GABBR2: variants seen among roughly 807,000 people sequenced by gnomAD.
The protein encoded by GABBR2 is G-protein coupled receptor 51.
In GABBR2, 23 loss-of-function variants were observed where a neutral mutation model predicts 105.6. The observed-to-expected ratio is 0.22, with a 90% CI of 0.16 to 0.31. GABBR2 has a LOEUF of 0.31. Among genes scored for constraint, GABBR2 ranks in the 10% least tolerant of loss-of-function variants. The probability of loss-of-function intolerance (pLI) is 1.00; values close to 1 mark genes in which losing one functional copy is unlikely to be tolerated. For missense variants in GABBR2, 734 were observed against 1,245.5 expected, an observed-to-expected ratio of 0.59 and a Z score of 6.18; for synonymous variants, 478 against 499.7, an observed-to-expected ratio of 0.96 and a Z score of 0.58.
intron 3 of GABBR2, among the ~76,000 whole-genome samples, chr9:98,526,318 A>T (rs562160101): frequency 1.3e-5 from 2 of 152,272 alleles, no homozygotes; most frequent in South Asian, 4.1e-4. Context: ...ACCCTGTTCC[A>T]GTCATCATAG....
chr9:98,623,767 C>A (rs929084759), intron 1 of GABBR2, among the ~76,000 whole-genome samples: 2 of 152,194 alleles, frequency 1.3e-5, no homozygotes, highest in Non-Finnish European at 2.9e-5. Context: ...TACTTTCAGA[C>A]CCACCTGGAT....
At chr9:98,578,626 C>T (rs948727165) in intron 1 of GABBR2, among the ~76,000 whole-genome samples, 28 of 152,068 alleles carry the variant, frequency 1.8e-4, no homozygotes, top group Middle Eastern at 3.2e-3. Context: ...CCAAAACAAC[C>T]GAAGGCAGGG....
intron 7 of GABBR2, among the ~76,000 whole-genome samples, chr9:98,413,630 A>T (rs763414059): frequency 1.3e-5 from 2 of 152,166 alleles, no homozygotes; most frequent in Non-Finnish European, 2.9e-5. Context: ...GCAGAATGGG[A>T]GGTGGGGTCT....
chr9:98,466,670 ATAT>A (rs1176614090), intron 6 of GABBR2, among the ~76,000 whole-genome samples: 2 of 152,220 alleles, frequency 1.3e-5, no homozygotes, highest in African/African-American at 2.4e-5. Flanking sequence ...TGTGAGAGAG[ATAT>A]TATTATCCCC....
chr9:98,343,715 G>A (rs1464848275), intron 13 of GABBR2, among the ~76,000 whole-genome samples: 2 of 152,000 alleles, frequency 1.3e-5, no homozygotes, highest in South Asian at 2.1e-4. Flanking sequence ...AAAATTAGCC[G>A]GGTATGGTGG....
intron 1 of GABBR2, among the ~76,000 whole-genome samples, chr9:98,685,796 G>C (rs337528): frequency 0.71 from 108,443 of 152,064 alleles, 39,708 homozygotes; most frequent in Middle Eastern, 0.85. Flanking sequence ...AATCTCAAGA[G>C]ATCCTCCTAC....
chr9:98,577,079 GGTGAATGT>G (rs1828923749), intron 2 of GABBR2, among the ~76,000 whole-genome samples: 1 of 142,784 alleles, frequency 7.0e-6, no homozygotes, highest in African/African-American at 2.5e-5. Context: ...TGGATGGATA[GGTGAATGT>G]GTGGATGGAT....
At chr9:98,582,556 C>A (rs955074949) in intron 1 of GABBR2, among the ~76,000 whole-genome samples, 25 of 152,222 alleles carry the variant, frequency 1.6e-4, no homozygotes, top group South Asian at 6.2e-4. Context: ...GTTTACATCA[C>A]CAAATTTGTG....
chr9:98,479,757 C>T (rs553651483), intron 5 of GABBR2, among the ~76,000 whole-genome samples: 2 of 152,164 alleles, frequency 1.3e-5, no homozygotes, highest in Non-Finnish European at 2.9e-5. Flanking sequence ...TGTAGACATG[C>T]AATTTGAGGT....
At chr9:98,341,962 C>T (rs1221290999) in intron 13 of GABBR2, among the ~76,000 whole-genome samples, 2 of 152,094 alleles carry the variant, frequency 1.3e-5, no homozygotes, top group Non-Finnish European at 2.9e-5. Context: ...ATAATTTAGT[C>T]AATAAATATT....
At chr9:98,503,871 C>T (rs906637999) in intron 3 of GABBR2, among the ~76,000 whole-genome samples, 12 of 152,132 alleles carry the variant, frequency 7.9e-5, no homozygotes, top group African/African-American at 2.7e-4. Flanking sequence ...GCCCTAACTG[C>T]CTCCTAAACC....
intron 17 of GABBR2, among the ~76,000 whole-genome samples, chr9:98,295,880 T>C (rs1830373252): frequency 6.6e-6 from 1 of 152,230 alleles, no homozygotes; most frequent in Non-Finnish European, 1.5e-5. Context: ...TATTGATTGG[T>C]GGACAAAAAT....
intron 14 of GABBR2, among the ~76,000 whole-genome samples, chr9:98,310,606 G>C (rs1248652204): frequency 6.6e-6 from 1 of 151,942 alleles, no homozygotes; most frequent in African/African-American, 2.4e-5. Flanking sequence ...GCAGTTTGGA[G>C]GTTACTAGGC....
At chr9:98,493,468 C>T (rs548545502) in intron 4 of GABBR2, among the ~76,000 whole-genome samples, 1 of 152,330 alleles carries the variant, frequency 6.6e-6, no homozygotes, top group Admixed American at 6.5e-5. Flanking sequence ...CCAGTATCCA[C>T]AACTGTTATC....
At chr9:98,403,334 T>C (rs1012251234) in intron 8 of GABBR2, among the ~76,000 whole-genome samples, 3 of 147,348 alleles carry the variant, frequency 2.0e-5, no homozygotes, top group African/African-American at 7.5e-5. Flanking sequence ...AACAGGAGCA[T>C]CTGGCCTTTA....
intron 13 of GABBR2, among the ~76,000 whole-genome samples, chr9:98,326,020 T>C (rs190943163): frequency 1.1e-3 from 163 of 152,312 alleles, no homozygotes; most frequent in Non-Finnish European, 1.5e-3. Context: ...TTTGAGGATA[T>C]GCAGCCTTGT....
intron 14 of GABBR2, among the ~76,000 whole-genome samples, chr9:98,309,169 T>C (rs929667023): frequency 6.6e-6 from 1 of 152,238 alleles, no homozygotes; most frequent in Non-Finnish European, 1.5e-5. Context: ...GAAGCATTTG[T>C]GCTATTAAAT....
intron 1 of GABBR2, chr9:98,607,658 A>C (rs959338737): frequency 2.7e-6 from 2 of 738,462 alleles, no homozygotes; most frequent in African/African-American, 1.7e-5. Context: ...AATGGTGAAC[A>C]CTGTGATTTT....
rs61216428 is a variant in GABBR2 at position 98,390,375 on chromosome 9, C to CAAAAAAAAAAAAAAAAAAAAAAAAA, written c.1379-1396_1379-1372dup. ...GGTGACAGAGCAAGACTCCATCTCA[C>CAAAAAAAAAAAAAAAAAAAAAAAAA]AAAAAAAAAAAAAAAAAAAAAAAAA... On this transcript the variant is annotated intron_variant, in intron 9 of 18. Transcript: ENST00000259455. Among the ~76,000 whole-genome samples, 7 of 32,438 alleles carry CAAAAAAAAAAAAAAAAAAAAAAAAA rather than the reference C, an allele frequency of 2.2e-4. 1 individual carries two copies. Among genetic ancestry groups the CAAAAAAAAAAAAAAAAAAAAAAAAA allele is most frequent in the African/African-American group, 6.0e-4 (6 of 9,948 alleles). 21.3% of individuals were successfully genotyped at this position (32,438 alleles called of 152,430 possible).
Sources: allele counts gnomAD v4.1 joint callset (sites outside exome capture counted in the v4.1 genomes callset), GRCh38; gene constraint gnomAD v4.1.1; transcripts MANE v1.5; gene names NCBI Gene and HGNC (gene_info 2026-07-23, HGNC 2026-07-21).